IL9R: variants seen among roughly 807,000 people sequenced by gnomAD.
The protein encoded by IL9R is interleukin 9 receptor.
IL9R carries 54 observed loss-of-function variants against 56.3 expected under a neutral mutation model. The observed-to-expected ratio is 0.96, with a 90% CI of 0.77 to 1.20. The LOEUF is 1.20. Among genes scored for constraint, IL9R ranks in the 50% most tolerant of loss-of-function variants. The pLI is 0.00. For missense variants in IL9R, 545 were observed against 629.8 expected, an observed-to-expected ratio of 0.87 and a Z score of 1.44; for synonymous variants, 212 against 250.2, an observed-to-expected ratio of 0.85 and a Z score of 1.44.
intron 5 of IL9R, 101 bp from the exon 6 acceptor site, chrX:156,005,177 C>A: frequency 2.2e-6 from 2 of 890,224 alleles, no homozygotes; most frequent in Non-Finnish European, 3.7e-6. Flanking sequence ...CAAGTGTGTT[C>A]AAGAGTGTGT....
chrX:156,004,786 T>G (rs1474195823), intron 5 of IL9R, among the ~76,000 whole-genome samples: 1 of 152,132 alleles, frequency 6.6e-6, no homozygotes, highest in Admixed American at 6.6e-5. Context: ...TGTGTGCACA[T>G]AAGTGTGGTG....
intron 2 of IL9R, 119 bp downstream of exon 2, chrX:156,003,138 A>G (rs762006740): frequency 7.8e-7 from 1 of 1,286,446 alleles, no homozygotes; most frequent in Non-Finnish European, 1.1e-6. Flanking sequence ...GTGCTGGGGC[A>G]TGTCCTCTAG....
At chrX:156,004,591 G>T in intron 5 of IL9R, 26 bp downstream of exon 5, 1 of 1,611,456 alleles carries the variant, frequency 6.2e-7, no homozygotes. Context: ...GCTTTCCCTG[G>T]GGGCCTCTCT....
rs771955244 is a variant in IL9R at position 156,003,033 on chromosome X, A to T, written c.142+14A>T. 1.2e-6 allele frequency: 2 copies of T among 1,613,752 alleles called. No individual in the cohort carries two copies. Among genetic ancestry groups the T allele is most frequent in the African/African-American group, 2.7e-5 (2 of 75,004 alleles). The stretch of plus-strand genomic sequence containing the variant: ...GGGAAGGACAAGGTGAGGGCTGGGC[A>T]CTAATGTCTGTATGAGGTGGGTGGA... On this transcript the variant is annotated intron_variant, in intron 2 of 8. Transcript: ENST00000244174.
chrX:155,998,584 T>G (rs1236792932), intron 1 of IL9R, among the ~76,000 whole-genome samples: 4 of 151,952 alleles, frequency 2.6e-5, no homozygotes, highest in Non-Finnish European at 5.9e-5. Flanking sequence ...ATTAATTTTT[T>G]TTTGAGACAG....
chrX:156,009,015 CTCTG>C (rs1460830918), intron 8 of IL9R, among the ~76,000 whole-genome samples: 1 of 81,002 alleles, frequency 1.2e-5, no homozygotes, highest in Non-Finnish European at 2.8e-5. Flanking sequence ...GTGTGTGTGT[CTCTG>C]TGTGTGTGTC....
intron 1 of IL9R, among the ~76,000 whole-genome samples, chrX:156,002,699 G>C (rs1322495143): frequency 1.3e-5 from 2 of 152,206 alleles, no homozygotes; most frequent in African/African-American, 4.8e-5. Context: ...CTTTGGCTGA[G>C]TCAAATGGCC....
chrX:156,004,403 G>C lies in IL9R; in HGVS notation c.434-17G>C. The C allele has an allele frequency of 6.2e-7, 1 of 1,613,770 alleles. No homozygotes were observed. Among genetic ancestry groups the C allele is most frequent in the South Asian group, 1.1e-5 (1 of 91,046 alleles). On this transcript the variant is annotated splice_polypyrimidine_tract_variant and intron_variant, in intron 4 of 8. Transcript: ENST00000244174. Reference sequence around the variant, plus strand: ...ACCCATGGGGCTTCAGCCTCACATGGATTCACTCTGTTCCAGTTAAGCTGG... The same window carrying C: ...ACCCATGGGGCTTCAGCCTCACATGCATTCACTCTGTTCCAGTTAAGCTGG...
At position 156,004,233 on chromosome X, in the gene IL9R, C is replaced by T. The variant is rs186681444; in HGVS notation, c.434-187C>T. On this transcript the variant is annotated intron_variant, in intron 4 of 8. Coordinates refer to ENST00000244174, the MANE Select transcript of IL9R (RefSeq NM_002186.3). ...AAACCACCTAGTCTAGGTGCAGAGG[C>T]CAGAGGAAGTCATTGCTGTCCTGTC... is the stretch of plus-strand genomic sequence containing the variant. 25 of 623,030 alleles carry T rather than the reference C, an allele frequency of 4.0e-5. No homozygotes were observed. The Admixed American group carries it at 7.0e-4, about 17-fold the overall frequency. 38.6% of individuals were successfully genotyped at this position (623,030 alleles called of 1,614,324 possible). A position where few individuals can be genotyped will look rare whatever the true frequency, so the allele number is the denominator to read the frequency against.
rs749170289 is a variant in IL9R, at chrX:156,005,325, T to C, written c.627T>C (p.Leu209=). 6.2e-7 allele frequency: 1 copy of C among 1,612,280 alleles called. No homozygotes were observed. The highest frequency in any genetic ancestry group is 1.1e-5 in the South Asian group (1 of 90,984). The change falls in exon 6 of 9, where the codon CTT becomes CTC. Residue 209 remains leucine, a synonymous_variant. Transcript: ENST00000244174. ...DHIVGVTWLI[L]EAFELDPGFI... is the part of the protein sequence containing the mutation. ...TTGTCGGGGTGACCTGGCTTATACTTGAAGCCTTTGAGCTGGACCCTGGCT... is the reference window on the plus strand; with the variant it reads ...TTGTCGGGGTGACCTGGCTTATACTCGAAGCCTTTGAGCTGGACCCTGGCT...
At chrX:155,998,891 C>T (rs1004504113) in intron 1 of IL9R, among the ~76,000 whole-genome samples, 45 of 152,158 alleles carry the variant, frequency 3.0e-4, no homozygotes, top group African/African-American at 9.9e-4. Context: ...GAGCAGGCGA[C>T]GTGGGTACCT....
At chrX:156,005,094 G>A (rs1339411430) in intron 5 of IL9R, among the ~76,000 whole-genome samples, 184 bp from the exon 6 acceptor site, 1 of 152,044 alleles carries the variant, frequency 6.6e-6, no homozygotes, top group Non-Finnish European at 1.5e-5. Context: ...ACGCAGCTGT[G>A]TCTGTGAGTG....
chrX:156,001,163 G>T (rs922567397), intron 1 of IL9R, among the ~76,000 whole-genome samples: 1 of 152,158 alleles, frequency 6.6e-6, no homozygotes, highest in Non-Finnish European at 1.5e-5. Flanking sequence ...TGAGCTTGGA[G>T]CCATCCCACT....
intron 8 of IL9R, among the ~76,000 whole-genome samples, chrX:156,009,241 G>GTGTGT (rs1377556588): frequency 5.2e-4 from 14 of 26,672 alleles, no homozygotes; most frequent in Non-Finnish European, 6.0e-4. Flanking sequence ...GTGTTCGTGT[G>GTGTGT]GTGTGTGTGT....
At chrX:156,001,095 G>T (rs1184910506) in intron 1 of IL9R, among the ~76,000 whole-genome samples, 1 of 152,096 alleles carries the variant, frequency 6.6e-6, no homozygotes, top group African/African-American at 2.4e-5. Flanking sequence ...TAGCTCTCAG[G>T]TGTCACATGT....
chrX:156,011,038 T>TC (rs1355207898), downstream of IL9R, among the ~76,000 whole-genome samples: 1 of 102,648 alleles, frequency 9.7e-6, no homozygotes, highest in Non-Finnish European at 1.7e-5. Context: ...GTCCTCATCC[T>TC]CCCCCTTGCT....
chrX:156,010,076 G>A lies in IL9R; in HGVS notation c.1233G>A (p.Glu411=). ...AGACGCTTGCCTATCTGCCACAGGAGGACTGGGCCCCCACGTCCCTGACTA... is the reference window on the plus strand; with the variant it reads ...AGACGCTTGCCTATCTGCCACAGGAAGACTGGGCCCCCACGTCCCTGACTA... The part of the protein sequence containing the change: ...RVQTLAYLPQ[E]DWAPTSLTRP... Residue 411 remains glutamate (E), a synonymous_variant, in exon 9 of 9, where the codon GAG becomes GAA. Transcript: ENST00000244174. The A allele has an allele frequency of 1.9e-6, 3 of 1,581,474 alleles. No individual in the cohort carries two copies. The highest frequency in any genetic ancestry group is 2.4e-5 in the East Asian group (1 of 42,510).
intron 1 of IL9R, 58 bp from the exon 2 acceptor site, chrX:156,002,848 G>A (rs1169178244): frequency 6.2e-7 from 1 of 1,611,524 alleles, no homozygotes; most frequent in South Asian, 1.1e-5. Context: ...CAATTCATGG[G>A]GAGCACCCCT....
In IL9R at chrX:155,998,981, C is replaced by T. The variant is rs115307202; in HGVS notation, c.28+1194C>T. Among the ~76,000 whole-genome samples, 146 of 152,214 alleles carry T rather than the reference C, an allele frequency of 9.6e-4. 1 individual carries two copies. Among genetic ancestry groups the T allele is most frequent in the African/African-American group, 3.4e-3 (143 of 41,526 alleles). On this transcript the variant is annotated intron_variant, in intron 1 of 8. Transcript: ENST00000244174. ...ACTCCCAGGGGACTGTGCCAATATC[C>T]TCACTCCAGCCCTGGCCCATGGCCA...
Sources: allele counts gnomAD v4.1 joint callset (sites outside exome capture counted in the v4.1 genomes callset), GRCh38; gene constraint gnomAD v4.1.1; transcripts MANE v1.5; gene names NCBI Gene and HGNC (gene_info 2026-07-23, HGNC 2026-07-21).